Variants in TBC1D19 observed in about 807,000 individuals in gnomAD.
The protein encoded by TBC1D19 is TBC1 domain family member 19.
A neutral mutation model predicts 89.0 loss-of-function variants in TBC1D19; 60 were observed. The observed-to-expected ratio is 0.67, with a 90% confidence interval of 0.55 to 0.84. TBC1D19 has a LOEUF of 0.84. Ranked by LOEUF, TBC1D19 falls within the 40% of genes least tolerant of loss-of-function variation. The pLI is 0.00. For synonymous variants in TBC1D19, 189 were observed against 199.7 expected (o/e 0.95, Z 0.45); for missense variants, 500 against 610.8 (o/e 0.82, Z 1.91).
Position 26,711,089 on chromosome 4 carries a change from A to G in TBC1D19, c.955-6844A>G, listed in dbSNP as rs573568557. 1.5e-4 allele frequency among the ~76,000 whole-genome samples: 23 copies of G among 152,322 alleles called. 1 individual carries two copies. In the South Asian group the frequency reaches 4.6e-3, roughly 30 times the overall value. ...TGCCATTGCTTTTGGCGTTTTAGAC[A>G]TGAAGTCCTTGCCCATGTCTATGTC... On this transcript the variant is annotated intron_variant, in intron 13 of 20. Coordinates refer to ENST00000264866, the MANE Select transcript of TBC1D19 (RefSeq NM_018317.4).
chr4:26,764,699 G>A, the TBC1D19 span, among the ~76,000 whole-genome samples: 5 of 152,066 alleles, frequency 3.3e-5, no homozygotes, highest in African/African-American at 2.4e-5. Context: ...TATAATGATG[G>A]GTCATGGAAT....
chr4:26,827,152 G>GGA, the TBC1D19 span, among the ~76,000 whole-genome samples: 1 of 152,154 alleles, frequency 6.6e-6, no homozygotes, highest in East Asian at 1.9e-4. Flanking sequence ...AGCCTTTCCT[G>GGA]GCTCCTTAAC....
At chr4:26,699,052 A>G (rs1464370884) in intron 13 of TBC1D19, among the ~76,000 whole-genome samples, 1 of 152,236 alleles carries the variant, frequency 6.6e-6, no homozygotes, top group African/African-American at 2.4e-5. Context: ...ACAGCAAAAG[A>G]AACTACCATC....
chr4:26,790,983 G>A, the TBC1D19 span, among the ~76,000 whole-genome samples: 2 of 152,032 alleles, frequency 1.3e-5, no homozygotes, highest in Non-Finnish European at 2.9e-5. Context: ...TCCAAATGTC[G>A]GGTGTCCCTT....
At chr4:26,627,842 T>C (rs1378580991) in intron 4 of TBC1D19, among the ~76,000 whole-genome samples, 1 of 152,076 alleles carries the variant, frequency 6.6e-6, no homozygotes, top group Non-Finnish European at 1.5e-5. Context: ...AGGTTGCCTG[T>C]TCACTCTGAT....
chr4:26,779,343 C>T, the TBC1D19 span, among the ~76,000 whole-genome samples: 2 of 152,216 alleles, frequency 1.3e-5, no homozygotes, highest in African/African-American at 2.4e-5. Flanking sequence ...GGAGGTGCTG[C>T]AGGCTCTTAC....
intron 7 of TBC1D19, among the ~76,000 whole-genome samples, chr4:26,652,297 CCT>C (rs1219374129): frequency 6.6e-6 from 1 of 152,078 alleles, no homozygotes; most frequent in Non-Finnish European, 1.5e-5. Context: ...GGTACCAGCT[CCT>C]CTTTGTACCT....
chr4:26,673,476 A>G (rs942099999), intron 10 of TBC1D19, among the ~76,000 whole-genome samples: 1 of 38,474 alleles, frequency 2.6e-5, no homozygotes, highest in Non-Finnish European at 5.7e-5. Flanking sequence ...CACACACACA[A>G]TACTAGTTTC....
At chr4:26,748,317 C>A in intron 18 of TBC1D19, 94 bp from the exon 19 acceptor site, 1 of 837,246 alleles carries the variant, frequency 1.2e-6, no homozygotes, top group Non-Finnish European at 2.0e-6. Flanking sequence ...ATTTCTAAGA[C>A]TCTTGAATAG....
At chr4:26,777,892 G>C in the TBC1D19 span, among the ~76,000 whole-genome samples, 5 of 152,020 alleles carry the variant, frequency 3.3e-5, no homozygotes, top group East Asian at 9.7e-4. Context: ...ACTAGCCTGG[G>C]AAACATAATA....
Position 26,659,618 on chromosome 4 carries a change from C to A in TBC1D19, c.502C>A (p.Pro168Thr). 6.3e-7 allele frequency: 1 copy of A among 1,586,008 alleles called. No homozygotes were observed. The highest frequency in any genetic ancestry group is 8.6e-7 in the Non-Finnish European group (1 of 1,160,546). Residue 168 changes from proline (P) to threonine (T), a missense_variant, in exon 8 of 21, where the codon CCA becomes ACA. This residue lies in a region of TBC1D19 where 280 missense variants were observed against 291.7 expected (regional missense o/e 0.96). Coordinates refer to ENST00000264866, the MANE Select transcript of TBC1D19 (RefSeq NM_018317.4). ...FLEVLINLRN[P>T]NYENGDSLSF... ...AAAGGTATTAATTAATCTTCGCAAC[C>A]CAAATTATGAAAACGGTGATTCTCT...
chr4:26,811,138 A>G, the TBC1D19 span, among the ~76,000 whole-genome samples: 2 of 152,258 alleles, frequency 1.3e-5, no homozygotes, highest in South Asian at 2.1e-4. Context: ...GGATAAAGAA[A>G]AGGTTACACA....
At chr4:26,802,339 A>G in the TBC1D19 span, among the ~76,000 whole-genome samples, 1 of 152,154 alleles carries the variant, frequency 6.6e-6, no homozygotes, top group East Asian at 1.9e-4. Context: ...GGTGACTGGC[A>G]CTTGTAATCC....
the TBC1D19 span, among the ~76,000 whole-genome samples, chr4:26,763,370 C>G: frequency 6.6e-6 from 1 of 152,214 alleles, no homozygotes; most frequent in Non-Finnish European, 1.5e-5. Flanking sequence ...AGCCTGTTCT[C>G]CCTGAAGCCC....
intron 4 of TBC1D19, among the ~76,000 whole-genome samples, chr4:26,630,247 A>G (rs1287091333): frequency 6.6e-6 from 1 of 151,950 alleles, no homozygotes; most frequent in Non-Finnish European, 1.5e-5. Context: ...AATACCATAG[A>G]TTCCAATTAT....
intron 1 of TBC1D19, among the ~76,000 whole-genome samples, chr4:26,578,978 C>T (rs1056892531): frequency 3.3e-5 from 5 of 152,118 alleles, no homozygotes; most frequent in African/African-American, 1.2e-4. Context: ...AAATATTCTG[C>T]TCCTGTCATG....
upstream of TBC1D19, among the ~76,000 whole-genome samples, chr4:26,579,466 T>A (rs148484554): frequency 1.2e-3 from 188 of 152,244 alleles, no homozygotes; most frequent in Middle Eastern, 0.014. Context: ...TGAGAACTTT[T>A]AAAATTTTTC....
the TBC1D19 span, among the ~76,000 whole-genome samples, chr4:26,782,856 G>C: frequency 2.6e-4 from 39 of 151,644 alleles, no homozygotes; most frequent in Admixed American, 9.8e-4. Flanking sequence ...GCTTGCTCAG[G>C]AAAGAGAATA....
At chr4:26,839,736 C>G in the TBC1D19 span, among the ~76,000 whole-genome samples, 1 of 152,244 alleles carries the variant, frequency 6.6e-6, no homozygotes, top group Non-Finnish European at 1.5e-5. Context: ...ATGCTTTCCT[C>G]CTTGCCAGAT....
Sources: gnomAD v4.1 joint callset for allele counts (sites outside exome capture counted in the v4.1 genomes callset) on GRCh38, gnomAD v4.1.1 for gene constraint, gnomAD v4.1.1 regional missense constraint, MANE v1.5 for transcripts, NCBI Gene and HGNC (gene_info 2026-07-23, HGNC 2026-07-21) for gene names.